GALNT13: variants seen among roughly 807,000 people sequenced by gnomAD.
GALNT13 encodes the protein UDP-GalNAc:polypeptide N-acetylgalactosaminyltransferase 13.
Under a neutral mutation model 64.2 loss-of-function variants are expected in GALNT13, and 28 were observed. That is an observed-to-expected ratio of 0.44 (90% CI 0.32 to 0.60). The LOEUF (loss-of-function observed/expected upper bound fraction) is 0.60, where lower values mean the gene tolerates loss of function less well. GALNT13 is among the 20% of genes least tolerant of loss of function. The probability of loss-of-function intolerance (pLI) is 0.05; values close to 1 mark genes in which losing one functional copy is unlikely to be tolerated. For missense variants in GALNT13, 577 were observed against 669.8 expected, an observed-to-expected ratio of 0.86 and a Z score of 1.53; for synonymous variants, 214 against 224.6, an observed-to-expected ratio of 0.95 and a Z score of 0.42.
intron 3 of GALNT13, among the ~76,000 whole-genome samples, chr2:154,055,342 G>C (rs959703161): frequency 6.6e-6 from 1 of 151,868 alleles, no homozygotes; most frequent in African/African-American, 2.4e-5. Context: ...AATTACAATT[G>C]AGTGCAGATT....
intron 4 of GALNT13, among the ~76,000 whole-genome samples, chr2:154,179,517 G>C (rs1356270099): frequency 6.6e-6 from 1 of 152,064 alleles, no homozygotes; most frequent in Non-Finnish European, 1.5e-5. Context: ...TTAACGTCAG[G>C]AAGTGTGAGG....
chr2:153,072,996 T>C, the GALNT13 span, among the ~76,000 whole-genome samples: 32 of 152,292 alleles, frequency 2.1e-4, no homozygotes, highest in East Asian at 5.8e-3. Flanking sequence ...GGACTGGCGG[T>C]TTCACAGCTA....
At chr2:154,307,150 G>A (rs1349205251) in intron 9 of GALNT13, among the ~76,000 whole-genome samples, 1 of 152,044 alleles carries the variant, frequency 6.6e-6, no homozygotes, top group East Asian at 1.9e-4. Flanking sequence ...ATTCCTCTGA[G>A]TTTTCCATAG....
intron 9 of GALNT13, among the ~76,000 whole-genome samples, chr2:154,361,101 A>G (rs1697042579): frequency 6.6e-6 from 1 of 151,916 alleles, no homozygotes. Flanking sequence ...TTCTCTACAT[A>G]TTTTTCATAT....
intron 4 of GALNT13, 124 bp from the exon 5 acceptor site, chr2:154,241,906 C>T: frequency 1.9e-6 from 1 of 525,716 alleles, no homozygotes; most frequent in Non-Finnish European, 3.2e-6. Flanking sequence ...TTTAGATATT[C>T]ATAAAACATT....
the GALNT13 span, among the ~76,000 whole-genome samples, chr2:153,596,830 C>T: frequency 3.3e-5 from 5 of 151,712 alleles, no homozygotes; most frequent in African/African-American, 1.2e-4. Context: ...AAAATAATAA[C>T]ATTCTATTTC....
At chr2:153,902,227 G>T (rs942186797) in intron 2 of GALNT13, among the ~76,000 whole-genome samples, 1 of 152,020 alleles carries the variant, frequency 6.6e-6, no homozygotes, top group African/African-American at 2.4e-5. Flanking sequence ...GGATTAAATC[G>T]TTCATGCTCC....
the GALNT13 span, among the ~76,000 whole-genome samples, chr2:153,082,991 G>A: frequency 6.6e-6 from 1 of 151,498 alleles, no homozygotes; most frequent in Non-Finnish European, 1.5e-5. Context: ...ACCATGCCTA[G>A]CTAATTTTTG....
intron 3 of GALNT13, among the ~76,000 whole-genome samples, chr2:154,009,754 T>C (rs1476130358): frequency 6.6e-6 from 1 of 152,112 alleles, no homozygotes; most frequent in Non-Finnish European, 1.5e-5. Context: ...CCTCCCAAGG[T>C]ATGACCATTT....
At chr2:154,043,068 A>G (rs1434899938) in intron 3 of GALNT13, among the ~76,000 whole-genome samples, 1 of 152,082 alleles carries the variant, frequency 6.6e-6, no homozygotes, top group African/African-American at 2.4e-5. Flanking sequence ...CTAACCAAGT[A>G]AAAGCAATGA....
At chr2:153,940,609 A>C (rs531209276) in intron 2 of GALNT13, among the ~76,000 whole-genome samples, 2 of 152,112 alleles carry the variant, frequency 1.3e-5, no homozygotes, top group Non-Finnish European at 2.9e-5. Flanking sequence ...GTTAGACCTG[A>C]AGCTAATTTA....
intron 9 of GALNT13, among the ~76,000 whole-genome samples, chr2:154,379,641 G>T (rs1211611453): frequency 6.6e-6 from 1 of 151,984 alleles, no homozygotes; most frequent in African/African-American, 2.4e-5. Context: ...TATAATGTCT[G>T]TGTTCTTAAA....
At chr2:153,747,079 C>T in the GALNT13 span, among the ~76,000 whole-genome samples, 5 of 151,810 alleles carry the variant, frequency 3.3e-5, no homozygotes, top group Middle Eastern at 3.2e-3. Context: ...TTTTAATCTT[C>T]GTGGGTTCAT....
At chr2:153,112,781 G>T in the GALNT13 span, among the ~76,000 whole-genome samples, 2 of 152,016 alleles carry the variant, frequency 1.3e-5, no homozygotes, top group Admixed American at 1.3e-4. Flanking sequence ...CAACTTAGTT[G>T]TAAACAGAAT....
At chr2:153,215,605 C>T in the GALNT13 span, among the ~76,000 whole-genome samples, 6 of 152,108 alleles carry the variant, frequency 3.9e-5, no homozygotes, top group African/African-American at 1.2e-4. Flanking sequence ...GAAGGGGATG[C>T]GGGTTCAGAA....
the GALNT13 span, among the ~76,000 whole-genome samples, chr2:153,406,957 A>G: frequency 0.19 from 29,337 of 152,138 alleles, 2,907 homozygotes; most frequent in Non-Finnish European, 0.21. Flanking sequence ...ATTCAGATAT[A>G]TAAATTGAAA....
chr2:153,825,011 A>G, the GALNT13 span, among the ~76,000 whole-genome samples: 13 of 152,310 alleles, frequency 8.5e-5, no homozygotes, highest in East Asian at 5.8e-4. Context: ...TTCTTTATAA[A>G]CTACCCAGTC....
At chr2:153,581,424 T>G in the GALNT13 span, among the ~76,000 whole-genome samples, 2 of 152,254 alleles carry the variant, frequency 1.3e-5, no homozygotes, top group South Asian at 4.1e-4. Context: ...TGTCTTCATA[T>G]TTATTTACAA....
At chr2:153,082,340 A>G in the GALNT13 span, among the ~76,000 whole-genome samples, 3 of 151,604 alleles carry the variant, frequency 2.0e-5, no homozygotes, top group South Asian at 4.2e-4. Flanking sequence ...CCCAAAGTCT[A>G]TTATATCACT....
Sources: allele counts gnomAD v4.1 joint callset (sites outside exome capture counted in the v4.1 genomes callset), GRCh38; gene constraint gnomAD v4.1.1; transcripts MANE v1.5; gene names NCBI Gene and HGNC (gene_info 2026-07-23, HGNC 2026-07-21).